Variants in MKLN1 observed in about 807,000 individuals in gnomAD.
MKLN1 encodes muskelin 1, also known as muskelin.
In MKLN1, 18 loss-of-function variants were observed where a neutral mutation model predicts 99.0. That is an observed-to-expected ratio of 0.18 (90% CI 0.13 to 0.27). The LOEUF (loss-of-function observed/expected upper bound fraction) is 0.27. Ranked by LOEUF, MKLN1 falls within the 10% of genes least tolerant of loss-of-function variation. MKLN1 has a pLI of 1.00. For synonymous variants in MKLN1, 288 were observed against 293.2 expected (o/e 0.98, Z 0.18); for missense variants, 621 against 875.9 (o/e 0.71, Z 3.67).
intron 11 of MKLN1, 23 bp from the exon 12 acceptor site, chr7:131,445,750 CT>C (rs748046772): frequency 0.018 from 20,185 of 1,127,666 alleles, no homozygotes; most frequent in South Asian, 0.029. Context: ...TTACTCCTTT[CT>C]TTTTTTTTTT....
At chr7:131,126,833 C>T (rs1437590088) in intron 1 of MKLN1, among the ~76,000 whole-genome samples, 1 of 152,132 alleles carries the variant, frequency 6.6e-6, no homozygotes, top group Non-Finnish European at 1.5e-5. Flanking sequence ...GGATTACAGG[C>T]ATGAGCCATC....
chr7:131,261,072 A>G (rs13237871), intron 3 of MKLN1, among the ~76,000 whole-genome samples: 83,218 of 152,124 alleles, frequency 0.55, 24,552 homozygotes, highest in Admixed American at 0.69. Context: ...ACCATTTTGG[A>G]CATAGGCCCT....
At chr7:131,222,919 G>A (rs982035051) in intron 3 of MKLN1, among the ~76,000 whole-genome samples, 4 of 151,556 alleles carry the variant, frequency 2.6e-5, no homozygotes, top group African/African-American at 9.7e-5. Context: ...GTGCGCACCT[G>A]TTATCCTAGT....
chr7:131,495,210 A>G lies in MKLN1; in HGVS notation c.*7482A>G, dbSNP rs1797525334. On this transcript the variant is annotated 3_prime_UTR_variant, in exon 18 of 18. Transcript: ENST00000352689. Reference sequence around the variant, plus strand: ...CAGAAATTAAGATCCCCTCTGATAGAGATAGATTCTCAAAACCAAAATTGG... The same window carrying G: ...CAGAAATTAAGATCCCCTCTGATAGGGATAGATTCTCAAAACCAAAATTGG... 1 of 152,194 alleles carries G rather than the reference A, an allele frequency of 6.6e-6. No homozygotes were observed. Among genetic ancestry groups the G allele is most frequent in the Admixed American group, 6.5e-5 (1 of 15,272 alleles). The allele number at this position is 152,194 out of a possible 1,614,324, so 9.4% of individuals were successfully genotyped here. A position where few individuals can be genotyped will look rare whatever the true frequency, so the allele number is the denominator to read the frequency against.
At chr7:131,407,647 T>C (rs1223295391) in intron 6 of MKLN1, among the ~76,000 whole-genome samples, 2 of 151,708 alleles carry the variant, frequency 1.3e-5, no homozygotes, top group Non-Finnish European at 2.9e-5. Flanking sequence ...CTCACTTTTT[T>C]CCCCTTTCCC....
intron 2 of MKLN1, among the ~76,000 whole-genome samples, chr7:131,378,134 C>A (rs73153483): frequency 2.0e-5 from 3 of 151,912 alleles, no homozygotes; most frequent in African/African-American, 7.2e-5. Flanking sequence ...TTTTTGAGAC[C>A]GAATTTTGCT....
chr7:131,258,349 G>GTTGCTGGAGGAAGATTCTC, intron 3 of MKLN1, among the ~76,000 whole-genome samples: 1 of 152,174 alleles, frequency 6.6e-6, no homozygotes, highest in African/African-American at 2.4e-5. Flanking sequence ...GGAAGATTCT[G>GTTGCTGGAGGAAGATTCTC]TTGCTGGAGG....
intron 12 of MKLN1, among the ~76,000 whole-genome samples, chr7:131,448,634 G>T (rs1161427941): frequency 6.6e-6 from 1 of 152,102 alleles, no homozygotes; most frequent in Non-Finnish European, 1.5e-5. Context: ...ACATTAAATT[G>T]TGGGATTTTT....
At chr7:131,286,116 A>T (rs1173919475) in intron 3 of MKLN1, among the ~76,000 whole-genome samples, 30 of 151,960 alleles carry the variant, frequency 2.0e-4, no homozygotes, top group Non-Finnish European at 1.5e-5. Flanking sequence ...ACGCCGGACT[A>T]ATTTTGTATT....
rs1374159056 is a variant in MKLN1, at chr7:131,137,545, G to A, written c.-418-5275G>A. On this transcript the variant is annotated intron_variant, in intron 1 of 7. Coordinates refer to the MKLN1 transcript ENST00000416992. ...TAGATTTGTGAGAGAGATGTGATCT[G>A]TGAACATGAACTTTTTTTGTTGTGT... is the stretch of plus-strand genomic sequence containing the variant. Among the ~76,000 whole-genome samples the A allele has an allele frequency of 2.6e-5, 4 of 152,062 alleles. No homozygotes were observed. In the East Asian group the frequency reaches 7.7e-4, roughly 29 times the overall value.
At chr7:131,368,578 A>G (rs1050662394) in intron 1 of MKLN1, among the ~76,000 whole-genome samples, 1 of 152,162 alleles carries the variant, frequency 6.6e-6, no homozygotes, top group African/African-American at 2.4e-5. Flanking sequence ...GGGAAGTGCC[A>G]CACACTTTTA....
chr7:131,217,536 A>G (rs1396269193), intron 3 of MKLN1, among the ~76,000 whole-genome samples: 1 of 145,694 alleles, frequency 6.9e-6, no homozygotes, highest in Non-Finnish European at 1.6e-5. Flanking sequence ...TGTCTCTACT[A>G]AAAATACAAA....
In MKLN1 at chr7:131,371,698, T is replaced by G. The variant is rs185814721; in HGVS notation, c.99-3726T>G. 7.9e-5 allele frequency among the ~76,000 whole-genome samples: 12 copies of G among 152,094 alleles called. No homozygotes were observed. In the East Asian group the frequency reaches 2.3e-3, roughly 29 times the overall value. On this transcript the variant is annotated intron_variant, in intron 1 of 17. Transcript: ENST00000352689. The stretch of plus-strand genomic sequence containing the variant: ...ATTGAGGCCTGTTTCTCCTATACTT[T>G]TCTTCATAGTAACATTATTCTTTAC...
chr7:131,409,209 A>C (rs1256527110), intron 6 of MKLN1, among the ~76,000 whole-genome samples: 1 of 152,186 alleles, frequency 6.6e-6, no homozygotes, highest in Non-Finnish European at 1.5e-5. Context: ...TTCAATAGAG[A>C]GGCTGACTTT....
intron 3 of MKLN1, among the ~76,000 whole-genome samples, chr7:131,215,441 C>T (rs994421066): frequency 6.6e-6 from 1 of 152,110 alleles, no homozygotes; most frequent in African/African-American, 2.4e-5. Context: ...AAATTTCTGG[C>T]TCAAGGGATC....
At chr7:131,320,424 T>A (rs941059894) in intron 3 of MKLN1, among the ~76,000 whole-genome samples, 13 of 152,010 alleles carry the variant, frequency 8.6e-5, no homozygotes, top group African/African-American at 3.1e-4. Flanking sequence ...ATACAAAAAT[T>A]AACTCAAGAT....
chr7:131,425,197 C>G (rs1390541900), intron 8 of MKLN1, among the ~76,000 whole-genome samples: 1 of 152,174 alleles, frequency 6.6e-6, no homozygotes, highest in African/African-American at 2.4e-5. Context: ...TAGCCAAGAT[C>G]TGCCTGACTA....
At chr7:131,323,988 A>G (rs1052354476), upstream of MKLN1, 1 of 152,204 alleles carries the variant, frequency 6.6e-6, no homozygotes, top group African/African-American at 2.4e-5. Context: ...CACATACGAT[A>G]TAAAATGAAA....
In MKLN1 at chr7:131,163,921, G is replaced by A. The variant is rs533755362; in HGVS notation, c.-297+20980G>A. Among the ~76,000 whole-genome samples, 4 of 152,304 alleles carry A rather than the reference G, an allele frequency of 2.6e-5. No individual in the cohort carries two copies. In the South Asian group the frequency reaches 8.3e-4, roughly 32 times the overall value. On this transcript the variant is annotated intron_variant, in intron 2 of 7. Coordinates refer to the MKLN1 transcript ENST00000416992. Reference sequence around the variant, plus strand: ...TTAAACTTCAAATACCGAAGAGGATGCCCAGTTTAGAACAGTAGCTCCTTG... The same window carrying A: ...TTAAACTTCAAATACCGAAGAGGATACCCAGTTTAGAACAGTAGCTCCTTG...
Sources: gnomAD v4.1 joint callset for allele counts (sites outside exome capture counted in the v4.1 genomes callset) on GRCh38, gnomAD v4.1.1 for gene constraint, MANE v1.5 for transcripts, NCBI Gene and HGNC (gene_info 2026-07-23, HGNC 2026-07-21) for gene names.